Variants in CDH6 observed in about 807,000 individuals in gnomAD.
The protein encoded by CDH6 is cadherin 6, also known as cadherin-6.
A neutral mutation model predicts 78.0 loss-of-function variants in CDH6; 31 were observed. The ratio of observed to expected loss-of-function variants is 0.40; its 90% CI spans 0.30 to 0.54. The LOEUF (loss-of-function observed/expected upper bound fraction) is 0.54. Among genes scored for constraint, CDH6 ranks in the 20% least tolerant of loss-of-function variants. The pLI is 0.56. For missense variants in CDH6, 724 were observed against 975.9 expected, an observed-to-expected ratio of 0.74 and a Z score of 3.44; for synonymous variants, 376 against 368.8, an observed-to-expected ratio of 1.02 and a Z score of -0.23.
At chr5:31,216,102 A>G (rs1740855587) in intron 1 of CDH6, among the ~76,000 whole-genome samples, 1 of 152,038 alleles carries the variant, frequency 6.6e-6, no homozygotes, top group African/African-American at 2.4e-5. Context: ...TTATGTACAC[A>G]TTCAATGAAG....
chr5:31,233,771 A>T (rs1219454319), intron 1 of CDH6, among the ~76,000 whole-genome samples: 1 of 152,056 alleles, frequency 6.6e-6, no homozygotes, highest in Non-Finnish European at 1.5e-5. Flanking sequence ...GTCCTCCTTG[A>T]CTTTATAAAA....
intron 1 of CDH6, among the ~76,000 whole-genome samples, chr5:31,256,520 T>C (rs1742059195): frequency 6.6e-6 from 1 of 152,232 alleles, no homozygotes; most frequent in Non-Finnish European, 1.5e-5. Flanking sequence ...TCTGGGATTT[T>C]CTTAGCAAGC....
intron 1 of CDH6, chr5:31,252,000 T>C (rs1741921716): frequency 6.6e-6 from 1 of 152,210 alleles, no homozygotes; most frequent in Non-Finnish European, 1.5e-5. Flanking sequence ...GACATTTTAG[T>C]CCATATCCAT....
chr5:31,288,407 A>G (rs1262054407), intron 2 of CDH6, among the ~76,000 whole-genome samples: 1 of 152,156 alleles, frequency 6.6e-6, no homozygotes, highest in Non-Finnish European at 1.5e-5. Flanking sequence ...AATCTCTAAA[A>G]CAGAAGCAAC....
At chr5:31,237,455 G>A (rs1370713263) in intron 1 of CDH6, among the ~76,000 whole-genome samples, 1 of 152,052 alleles carries the variant, frequency 6.6e-6, no homozygotes, top group Non-Finnish European at 1.5e-5. Context: ...GCTCACATCA[G>A]GGTCAAGGGC....
chr5:31,274,882 T>G (rs1174917210), intron 2 of CDH6, among the ~76,000 whole-genome samples: 3 of 152,146 alleles, frequency 2.0e-5, no homozygotes, highest in Non-Finnish European at 1.5e-5. Flanking sequence ...TTTGGATCCT[T>G]TTTGTTCCCA....
chr5:31,202,498 A>G (rs902763340), intron 1 of CDH6, among the ~76,000 whole-genome samples: 2 of 152,018 alleles, frequency 1.3e-5, no homozygotes, highest in African/African-American at 4.8e-5. Context: ...TTAGCCAGAT[A>G]TGGTGGCAGG....
rs1202052774 is a variant in CDH6 at position 31,327,686 on chromosome 5, C to T, written c.*4378C>T. On this transcript the variant is annotated 3_prime_UTR_variant, in exon 12 of 12. Transcript: ENST00000265071. ...AGAGAATATAGAATTATATTATGGT[C>T]TCCTTAAATGTTTAGTAGCTCTTAT... 6 of 201,848 alleles carry T rather than the reference C, an allele frequency of 3.0e-5. No homozygotes were observed. Among genetic ancestry groups the T allele is most frequent in the Admixed American group, 1.8e-4 (3 of 16,658 alleles). 12.5% of individuals were successfully genotyped at this position (201,848 alleles called of 1,614,324 possible).
intron 1 of CDH6, among the ~76,000 whole-genome samples, chr5:31,255,961 G>A (rs987486756): frequency 6.6e-6 from 1 of 152,130 alleles, no homozygotes; most frequent in African/African-American, 2.4e-5. Context: ...TATCCTTTTG[G>A]GGGAGAAGTG....
At chr5:31,266,080 C>G (rs764660697) in intron 1 of CDH6, among the ~76,000 whole-genome samples, 2 of 151,942 alleles carry the variant, frequency 1.3e-5, no homozygotes, top group Non-Finnish European at 2.9e-5. Flanking sequence ...CCTGGCAAGA[C>G]AATGTTTTTT....
In CDH6 at chr5:31,248,731, A is replaced by G. The variant is rs190293951; in HGVS notation, c.-128-18615A>G. ...ATCCTCTCACAAGCAAAACATGCAC[A>G]CACACACACACACACAATTATACCA... On this transcript the variant is annotated intron_variant, in intron 1 of 11. Coordinates refer to ENST00000265071, the MANE Select transcript of CDH6 (RefSeq NM_004932.4). Among the ~76,000 whole-genome samples, 84 of 152,282 alleles carry G rather than the reference A, an allele frequency of 5.5e-4. 1 individual carries two copies. The East Asian group carries it at 0.015, about 28-fold the overall frequency.
intron 1 of CDH6, among the ~76,000 whole-genome samples, chr5:31,264,519 G>A (rs986942464): frequency 6.6e-6 from 1 of 152,096 alleles, no homozygotes; most frequent in Non-Finnish European, 1.5e-5. Context: ...CCCCAGCACT[G>A]TTGATCATAA....
chr5:31,210,782 TG>T (rs1740682673), intron 1 of CDH6, among the ~76,000 whole-genome samples: 1 of 152,360 alleles, frequency 6.6e-6, no homozygotes, highest in African/African-American at 2.4e-5. Flanking sequence ...ACTGTATTTT[TG>T]TACTTGTATT....
At chr5:31,257,702 C>T (rs1351534383) in intron 1 of CDH6, among the ~76,000 whole-genome samples, 2 of 152,132 alleles carry the variant, frequency 1.3e-5, no homozygotes, top group Admixed American at 1.3e-4. Flanking sequence ...TGTAGCTACT[C>T]TGTCTGTGCC....
At chr5:31,212,059 ACTGT>A (rs1219224558) in intron 1 of CDH6, among the ~76,000 whole-genome samples, 1 of 152,192 alleles carries the variant, frequency 6.6e-6, no homozygotes, top group Admixed American at 6.5e-5. Context: ...TCCCAAGTTG[ACTGT>A]CTAAGTATAA....
chr5:31,309,200 A>T (rs1738080254), intron 7 of CDH6, among the ~76,000 whole-genome samples: 2 of 152,124 alleles, frequency 1.3e-5, no homozygotes, highest in Non-Finnish European at 2.9e-5. Flanking sequence ...TATTATACCC[A>T]TTGTGAACTT....
At chr5:31,223,124 A>G (rs1741048019) in intron 1 of CDH6, among the ~76,000 whole-genome samples, 1 of 151,772 alleles carries the variant, frequency 6.6e-6, no homozygotes, top group South Asian at 2.1e-4. Flanking sequence ...AATACATCTC[A>G]TTTTCTTTCC....
rs193189656 is a variant in CDH6, at chr5:31,320,744, G to A, written c.1883-2074G>A. 1.2e-4 allele frequency among the ~76,000 whole-genome samples: 19 copies of A among 152,182 alleles called. No individual in the cohort carries two copies. The East Asian group carries it at 2.1e-3, about 17-fold the overall frequency. On this transcript the variant is annotated intron_variant, in intron 11 of 11. Transcript: ENST00000265071. The stretch of plus-strand genomic sequence containing the variant: ...TGTAATCCCAACACTTTGCGAGGCC[G>A]AGGCAGGTGGATCACTTGAGGTCAG...
chr5:31,300,133 T>C (rs1365520197), intron 5 of CDH6, among the ~76,000 whole-genome samples: 2 of 152,210 alleles, frequency 1.3e-5, no homozygotes, highest in Non-Finnish European at 2.9e-5. Flanking sequence ...TTATGGTTAG[T>C]TGAGATACCG....
Sources: gnomAD v4.1 joint callset for allele counts (sites outside exome capture counted in the v4.1 genomes callset) on GRCh38, gnomAD v4.1.1 for gene constraint, MANE v1.5 for transcripts, NCBI Gene and HGNC (gene_info 2026-07-23, HGNC 2026-07-21) for gene names.